Variants in BTBD9 observed in about 807,000 individuals in gnomAD.
The protein encoded by BTBD9 is BTB domain containing 9, also known as BTB/POZ domain-containing protein 9.
BTBD9 carries 49 observed loss-of-function variants against 64.3 expected under a neutral mutation model. The observed-to-expected ratio is 0.76, with a 90% CI of 0.61 to 0.97. BTBD9 has a LOEUF of 0.97. BTBD9 is among the 50% of genes least tolerant of loss of function. The pLI is 0.00. For synonymous variants in BTBD9, 260 were observed against 274.7 expected, an observed-to-expected ratio of 0.95 and a Z score of 0.53; for missense variants, 598 against 762.1, an observed-to-expected ratio of 0.78 and a Z score of 2.53.
chr6:38,554,773 C>T (rs1339924010), intron 6 of BTBD9, among the ~76,000 whole-genome samples: 1 of 152,210 alleles, frequency 6.6e-6, no homozygotes, highest in Admixed American at 6.5e-5. Context: ...ATGGTATCCT[C>T]AGAAATAATG....
At chr6:38,299,437 C>T (rs931296790) in intron 7 of BTBD9, among the ~76,000 whole-genome samples, 1 of 152,234 alleles carries the variant, frequency 6.6e-6, no homozygotes, top group Non-Finnish European at 1.5e-5. Context: ...GCCACACTGA[C>T]TTCCACAATG....
chr6:38,618,848 G>A lies in BTBD9; in HGVS notation c.-27-20727C>T, dbSNP rs116020167. Among the ~76,000 whole-genome samples the A allele has an allele frequency of 3.6e-3, 555 of 152,290 alleles. 3 individuals carry two copies. Among genetic ancestry groups the A allele is most frequent in the African/African-American group, 0.013 (531 of 41,580 alleles). ...GCTTAAGCTGCAGCCCAAGAGTCTG[G>A]AGATGCCTGGTAACTTAGTCAAGTA... On this transcript the variant is annotated intron_variant, in intron 1 of 10. Coordinates refer to ENST00000481247, the MANE Select transcript of BTBD9 (RefSeq NM_001099272.2).
chr6:38,246,361 G>A (rs1764201938), intron 9 of BTBD9, among the ~76,000 whole-genome samples: 1 of 152,130 alleles, frequency 6.6e-6, no homozygotes, highest in Admixed American at 6.5e-5. Context: ...GTCTCCAAGT[G>A]TGGCCTAACG....
chr6:38,628,155 T>A (rs895016870), intron 1 of BTBD9, among the ~76,000 whole-genome samples: 2 of 152,170 alleles, frequency 1.3e-5, no homozygotes, highest in Non-Finnish European at 2.9e-5. Flanking sequence ...TAACTTCAAC[T>A]TTTGGAACCA....
At chr6:38,486,289 G>A (rs1408896844) in intron 6 of BTBD9, among the ~76,000 whole-genome samples, 2 of 152,168 alleles carry the variant, frequency 1.3e-5, no homozygotes, top group Non-Finnish European at 2.9e-5. Context: ...TCATTCCTGT[G>A]TTCACTGGAG....
At chr6:38,463,722 T>TA (rs1342015350) in intron 6 of BTBD9, among the ~76,000 whole-genome samples, 1 of 152,160 alleles carries the variant, frequency 6.6e-6, no homozygotes, top group African/African-American at 2.4e-5. Flanking sequence ...GTGACTGTAT[T>TA]TGGAGACAGA....
At chr6:38,370,999 T>C (rs1385442646) in intron 6 of BTBD9, among the ~76,000 whole-genome samples, 3 of 152,180 alleles carry the variant, frequency 2.0e-5, no homozygotes, top group Non-Finnish European at 4.4e-5. Context: ...GCTCCTGGCA[T>C]GTGTTTTTCT....
At chr6:38,594,679 A>G (rs1776962995) in intron 2 of BTBD9, among the ~76,000 whole-genome samples, 1 of 152,230 alleles carries the variant, frequency 6.6e-6, no homozygotes. Flanking sequence ...GTAAAACTCT[A>G]TAGGAAAAGA....
chr6:38,291,704 G>C (rs934836281), intron 7 of BTBD9, among the ~76,000 whole-genome samples: 4 of 152,102 alleles, frequency 2.6e-5, no homozygotes, highest in Admixed American at 1.3e-4. Flanking sequence ...TAGCATGAAG[G>C]GGTGTTGAAT....
intron 7 of BTBD9, among the ~76,000 whole-genome samples, chr6:38,292,810 C>T (rs1762011371): frequency 6.6e-6 from 1 of 152,166 alleles, no homozygotes; most frequent in Admixed American, 6.5e-5. Flanking sequence ...TTTCATGTCT[C>T]TATCTCCTTC....
At chr6:38,553,013 A>G (rs1300365445) in intron 6 of BTBD9, among the ~76,000 whole-genome samples, 3 of 152,188 alleles carry the variant, frequency 2.0e-5, no homozygotes, top group Non-Finnish European at 4.4e-5. Context: ...TTTTTCTTCA[A>G]TCCACATCAG....
chr6:38,394,959 GA>G (rs1344761766), intron 6 of BTBD9, among the ~76,000 whole-genome samples: 1 of 131,866 alleles, frequency 7.6e-6, no homozygotes, highest in Admixed American at 7.4e-5. Context: ...AACCAAAAAA[GA>G]GAGGGGAAAA....
intron 6 of BTBD9, among the ~76,000 whole-genome samples, chr6:38,492,063 G>A (rs765123424): frequency 6.6e-6 from 1 of 152,126 alleles, no homozygotes; most frequent in Non-Finnish European, 1.5e-5. Context: ...GGATACAACT[G>A]AAAAAAGATT....
At chr6:38,326,391 G>A (rs569314727) in intron 7 of BTBD9, among the ~76,000 whole-genome samples, 1 of 152,276 alleles carries the variant, frequency 6.6e-6, no homozygotes, top group African/African-American at 2.4e-5. Context: ...TTTCTCCTGA[G>A]GGCAACAGAA....
chr6:38,377,515 T>G (rs917319437), intron 6 of BTBD9, among the ~76,000 whole-genome samples: 3 of 152,192 alleles, frequency 2.0e-5, no homozygotes, highest in Admixed American at 2.0e-4. Context: ...ACTTTGGTAT[T>G]TCTCAATTTA....
At chr6:38,558,953 G>T (rs1471649402) in intron 6 of BTBD9, among the ~76,000 whole-genome samples, 4 of 152,148 alleles carry the variant, frequency 2.6e-5, no homozygotes, top group African/African-American at 9.7e-5. Context: ...CAGTAGAATG[G>T]GTAGAATGGG....
At chr6:38,608,425 T>G (rs192137717) in intron 1 of BTBD9, among the ~76,000 whole-genome samples, 87 of 152,344 alleles carry the variant, frequency 5.7e-4, no homozygotes, top group Non-Finnish European at 1.2e-3. Context: ...CATTTCTGTT[T>G]AATTTCTTCA....
At chr6:38,387,883 A>C (rs1297755801) in intron 6 of BTBD9, among the ~76,000 whole-genome samples, 2 of 152,170 alleles carry the variant, frequency 1.3e-5, no homozygotes, top group East Asian at 3.9e-4. Flanking sequence ...CTGAAAACCA[A>C]GAGAGAAAAA....
chr6:38,548,137 G>A (rs72853495), intron 6 of BTBD9, among the ~76,000 whole-genome samples: 28,210 of 151,906 alleles, frequency 0.19, 2,632 homozygotes, highest in East Asian at 0.27. Flanking sequence ...TTTCTTTGCA[G>A]CAAATCTATA....
Sources: allele counts gnomAD v4.1 joint callset (sites outside exome capture counted in the v4.1 genomes callset), GRCh38; gene constraint gnomAD v4.1.1; transcripts MANE v1.5; gene names NCBI Gene and HGNC (gene_info 2026-07-23, HGNC 2026-07-21).